Variants in MROH9 observed in about 807,000 individuals in gnomAD.
MROH9 encodes the protein maestro heat like repeat family member 9, also known as maestro heat-like repeat-containing protein family member 9.
In MROH9, 92 loss-of-function variants were observed where a neutral mutation model predicts 98.2. That is an observed-to-expected ratio of 0.94 (90% CI 0.79 to 1.11). The LOEUF is 1.11. MROH9 is among the 50% of genes most tolerant of loss of function. MROH9 has a pLI of 0.00. For missense variants in MROH9, 1,057 were observed against 1,014.8 expected (o/e 1.04, Z -0.57); for synonymous variants, 397 against 368.9 (o/e 1.08, Z -0.87).
intron 15 of MROH9, among the ~76,000 whole-genome samples, chr1:171,005,704 A>G (rs921225398): frequency 7.2e-5 from 11 of 152,150 alleles, no homozygotes; most frequent in Middle Eastern, 3.2e-3. Context: ...ATACAAGATC[A>G]TGGCATCTGC....
chr1:170,977,326 TACTC>T (rs1041014157), intron 8 of MROH9, among the ~76,000 whole-genome samples: 1 of 152,210 alleles, frequency 6.6e-6, no homozygotes, highest in African/African-American at 2.4e-5. Context: ...CTATTTGAGT[TACTC>T]ATTCTTTCTC....
chr1:170,984,365 C>A (rs1015784698), intron 9 of MROH9, among the ~76,000 whole-genome samples: 18 of 152,138 alleles, frequency 1.2e-4, no homozygotes, highest in Non-Finnish European at 2.2e-4. Flanking sequence ...ATGGTATGGT[C>A]AAAAATACTG....
chr1:171,030,173 ATTC>A (rs1279801332), intron 20 of MROH9, among the ~76,000 whole-genome samples: 6 of 151,996 alleles, frequency 3.9e-5, no homozygotes, highest in African/African-American at 1.4e-4. Flanking sequence ...TATCTATTTA[ATTC>A]TTCTTTTTTT....
chr1:170,980,679 T>C (rs918799140), intron 8 of MROH9, among the ~76,000 whole-genome samples: 8 of 152,080 alleles, frequency 5.3e-5, no homozygotes, highest in African/African-American at 1.4e-4. Context: ...GAAGAAAACC[T>C]AGGCAATACC....
chr1:170,989,845 T>C lies in MROH9; in HGVS notation c.880-10T>C. 6.3e-7 allele frequency: 1 copy of C among 1,587,536 alleles called. No homozygotes were observed. Among genetic ancestry groups the C allele is most frequent in the Non-Finnish European group, 8.6e-7 (1 of 1,159,704 alleles). On this transcript the variant is annotated splice_polypyrimidine_tract_variant and intron_variant, in intron 10 of 21. Transcript: ENST00000367759. ...GAGATTCTTGTTTACCTGTGGAATT[T>C]CTCTTCCAGGTGTCTAAGATCGTGG...
At position 170,997,615 on chromosome 1, in the gene MROH9, G is replaced by T. The variant is rs563596124; in HGVS notation, c.1476-539G>T. On this transcript the variant is annotated intron_variant, in intron 14 of 21. Transcript: ENST00000367759. ...TCCTCATGTTATCCTTTGCAATTCTGCCCTTACTGATCTGATCCAGGCCAC... is the reference window on the plus strand; with the variant it reads ...TCCTCATGTTATCCTTTGCAATTCTTCCCTTACTGATCTGATCCAGGCCAC... Among the ~76,000 whole-genome samples, 44 of 152,278 alleles carry T rather than the reference G, an allele frequency of 2.9e-4. 1 individual carries two copies. The South Asian group carries it at 5.4e-3, about 19-fold the overall frequency.
At chr1:170,955,277 G>A (rs28782297) in intron 3 of MROH9, among the ~76,000 whole-genome samples, 35,739 of 151,886 alleles carry the variant, frequency 0.24, 4,883 homozygotes, top group African/African-American at 0.38. Flanking sequence ...TGCTATAAAC[G>A]TGCTTGTGCC....
chr1:171,056,909 GCAA>G (rs911646677), intron 20 of MROH9, among the ~76,000 whole-genome samples: 16 of 152,246 alleles, frequency 1.1e-4, no homozygotes, highest in African/African-American at 3.6e-4. Flanking sequence ...CAAACAAAAA[GCAA>G]CAACAACAGC....
intron 10 of MROH9, among the ~76,000 whole-genome samples, chr1:170,988,732 G>A (rs575200867): frequency 2.0e-5 from 3 of 152,238 alleles, no homozygotes; most frequent in African/African-American, 7.2e-5. Flanking sequence ...TGCATATACA[G>A]TATATGGGCT....
intron 1 of MROH9, among the ~76,000 whole-genome samples, chr1:170,944,081 G>A (rs962023050): frequency 1.3e-5 from 2 of 151,932 alleles, no homozygotes; most frequent in Admixed American, 6.6e-5. Flanking sequence ...TTAAAGCCTA[G>A]GGGTTATTAA....
chr1:170,989,598 C>G (rs530076340), intron 10 of MROH9, among the ~76,000 whole-genome samples: 4 of 152,180 alleles, frequency 2.6e-5, no homozygotes, highest in African/African-American at 9.6e-5. Context: ...TGAATTCAAC[C>G]CTCCCAAAAT....
At chr1:171,058,487 GA>G (rs60323671) in intron 20 of MROH9, among the ~76,000 whole-genome samples, 196 of 150,228 alleles carry the variant, frequency 1.3e-3, no homozygotes, top group African/African-American at 3.4e-3. Flanking sequence ...CATAAAATTA[GA>G]AAAAAAAACT....
At chr1:171,053,452 T>C (rs775110415) in intron 20 of MROH9, among the ~76,000 whole-genome samples, 61 of 152,320 alleles carry the variant, frequency 4.0e-4, no homozygotes, top group Admixed American at 2.0e-3. Flanking sequence ...ATGAAGAAGA[T>C]ATACCTTTAG....
chr1:171,003,407 G>T (rs1270629188), intron 15 of MROH9, among the ~76,000 whole-genome samples: 1 of 152,174 alleles, frequency 6.6e-6, no homozygotes, highest in Non-Finnish European at 1.5e-5. Context: ...GAAGGCTGTT[G>T]TTCAAATTTT....
chr1:170,940,493 T>C (rs2206562), intron 1 of MROH9, among the ~76,000 whole-genome samples: 20,128 of 152,222 alleles, frequency 0.13, 1,750 homozygotes, highest in East Asian at 0.4. Flanking sequence ...GAAGGTGTAT[T>C]GCTGGCCTTT....
chr1:170,994,139 TG>T (rs960657285), intron 12 of MROH9, among the ~76,000 whole-genome samples: 11 of 152,234 alleles, frequency 7.2e-5, no homozygotes, highest in African/African-American at 1.4e-4. Context: ...TTTGTATATT[TG>T]CCTTTTTCAA....
At chr1:170,948,460 C>G (rs577142125) in intron 3 of MROH9, among the ~76,000 whole-genome samples, 46 of 152,100 alleles carry the variant, frequency 3.0e-4, no homozygotes, top group African/African-American at 1.1e-3. Context: ...GTCATTTAAT[C>G]CTTTCCCATT....
At chr1:170,962,413 G>A (rs141050621) in intron 6 of MROH9, among the ~76,000 whole-genome samples, 28 of 152,222 alleles carry the variant, frequency 1.8e-4, no homozygotes, top group Admixed American at 4.6e-4. Flanking sequence ...TGTACCTAAA[G>A]AAGGCCTAAC....
chr1:171,041,658 T>C (rs1435260468), intron 20 of MROH9, among the ~76,000 whole-genome samples: 1 of 151,896 alleles, frequency 6.6e-6, no homozygotes, highest in South Asian at 2.1e-4. Flanking sequence ...ATGTTTTCCA[T>C]AGAAGATGTA....
Sources: gnomAD v4.1 joint callset for allele counts (sites outside exome capture counted in the v4.1 genomes callset) on GRCh38, gnomAD v4.1.1 for gene constraint, MANE v1.5 for transcripts, NCBI Gene and HGNC (gene_info 2026-07-23, HGNC 2026-07-21) for gene names.